The following CEP85L variants were observed in gnomAD, a reference collection of about 807,000 sequenced individuals.
CEP85L encodes centrosomal protein 85L, also known as centrosomal protein of 85 kDa-like.
A neutral mutation model predicts 100.3 loss-of-function variants in CEP85L; 60 were observed. That is an observed-to-expected ratio of 0.60 (90% CI 0.49 to 0.74). CEP85L has a LOEUF of 0.74. CEP85L is among the 30% of genes least tolerant of loss of function. The pLI is 0.00. For synonymous variants in CEP85L, 319 were observed against 322.7 expected, an observed-to-expected ratio of 0.99 and a Z score of 0.12; for missense variants, 973 against 936.2, an observed-to-expected ratio of 1.04 and a Z score of -0.51.
chr6:118,559,244 A>G, intron 3 of CEP85L: 1 of 694,190 alleles, frequency 1.4e-6, no homozygotes, highest in Non-Finnish European at 2.7e-6. Context: ...TACCATATGT[A>G]TTCATCTGTT....
chr6:118,570,905 T>C (rs1483257595), intron 2 of CEP85L, among the ~76,000 whole-genome samples: 1 of 151,932 alleles, frequency 6.6e-6, no homozygotes, highest in Non-Finnish European at 1.5e-5. Flanking sequence ...TCTACTGACA[T>C]ACATATGCAC....
intron 1 of CEP85L, among the ~76,000 whole-genome samples, chr6:118,639,813 T>A (rs1281723786): frequency 6.6e-6 from 1 of 152,158 alleles, no homozygotes; most frequent in Non-Finnish European, 1.5e-5. Context: ...AGAATAAAAT[T>A]AGAATTTTGG....
intron 2 of CEP85L, among the ~76,000 whole-genome samples, chr6:118,614,728 C>A (rs1384212393): frequency 6.6e-6 from 1 of 152,166 alleles, no homozygotes; most frequent in East Asian, 1.9e-4. Flanking sequence ...GTAATCCCAG[C>A]TACTCGGGAG....
At chr6:118,519,738 A>G (rs1285480425) in intron 4 of CEP85L, among the ~76,000 whole-genome samples, 1 of 152,084 alleles carries the variant, frequency 6.6e-6, no homozygotes, top group African/African-American at 2.4e-5. Context: ...AGGAGTCTTC[A>G]CTGAAGAATT....
At chr6:118,633,056 C>A (rs1178978040) in intron 1 of CEP85L, among the ~76,000 whole-genome samples, 1 of 152,054 alleles carries the variant, frequency 6.6e-6, no homozygotes, top group Admixed American at 6.5e-5. Flanking sequence ...TGAAAACAAT[C>A]CATTTTTTTC....
chr6:118,669,934 G>C (rs1168836178), intron 1 of CEP85L, among the ~76,000 whole-genome samples: 2 of 149,624 alleles, frequency 1.3e-5, no homozygotes, highest in Non-Finnish European at 3.0e-5. Flanking sequence ...TGTGTAAGAG[G>C]AAAGGATCAT....
intron 1 of CEP85L, among the ~76,000 whole-genome samples, chr6:118,686,029 C>A (rs1360977467): frequency 6.6e-6 from 1 of 152,186 alleles, no homozygotes; most frequent in Non-Finnish European, 1.5e-5. Context: ...GAACTCGATT[C>A]ATTCCCAAAG....
chr6:118,611,555 T>C (rs188012284), intron 2 of CEP85L, among the ~76,000 whole-genome samples: 6 of 152,264 alleles, frequency 3.9e-5, no homozygotes, highest in Non-Finnish European at 5.9e-5. Flanking sequence ...AATTAAAAGA[T>C]AGAAATTGGC....
chr6:118,506,164 T>A (rs566128033), intron 5 of CEP85L, among the ~76,000 whole-genome samples: 5 of 152,212 alleles, frequency 3.3e-5, no homozygotes, highest in Admixed American at 2.6e-4. Flanking sequence ...ATGGAACGAA[T>A]AGGATTAAAA....
intron 5 of CEP85L, chr6:118,501,987 C>G: frequency 1.2e-6 from 1 of 831,332 alleles, no homozygotes; most frequent in Non-Finnish European, 2.0e-6. Context: ...GAAAACTGAC[C>G]AGGTGGCTTG....
chr6:118,651,929 C>T (rs571555425), upstream of CEP85L: 2 of 985,522 alleles, frequency 2.0e-6, no homozygotes, highest in Admixed American at 1.2e-4. Flanking sequence ...AAGACCTGCC[C>T]CTGGCGTCAC....
At chr6:118,510,822 G>T (rs1191091000) in intron 5 of CEP85L, among the ~76,000 whole-genome samples, 6 of 152,122 alleles carry the variant, frequency 3.9e-5, no homozygotes, top group African/African-American at 1.4e-4. Context: ...ATTTTGATGA[G>T]TAGGGGGCAG....
chr6:118,636,647 C>A (rs982903188), intron 1 of CEP85L, among the ~76,000 whole-genome samples: 1 of 151,744 alleles, frequency 6.6e-6, no homozygotes, highest in Non-Finnish European at 1.5e-5. Flanking sequence ...ACTGAACCAG[C>A]TGAAGGCCTG....
upstream of CEP85L, among the ~76,000 whole-genome samples, chr6:118,656,605 C>G (rs11752928): frequency 0.37 from 56,443 of 151,912 alleles, 11,156 homozygotes; most frequent in Non-Finnish European, 0.46. Flanking sequence ...CCTGTAGGAC[C>G]TGCCTCAGCC....
At chr6:118,691,024 A>C (rs1443167526) in intron 1 of CEP85L, among the ~76,000 whole-genome samples, 1 of 152,128 alleles carries the variant, frequency 6.6e-6, no homozygotes, top group Admixed American at 6.5e-5. Flanking sequence ...AGAAGGAAAG[A>C]AAGAAAGAGA....
At chr6:118,570,079 T>A (rs1005809803) in intron 2 of CEP85L, among the ~76,000 whole-genome samples, 1 of 152,184 alleles carries the variant, frequency 6.6e-6, no homozygotes, top group African/African-American at 2.4e-5. Context: ...TGCGTGCATA[T>A]CTATATATAA....
At chr6:118,534,369 C>A (rs1777464714) in intron 3 of CEP85L, among the ~76,000 whole-genome samples, 1 of 151,994 alleles carries the variant, frequency 6.6e-6, no homozygotes, top group African/African-American at 2.4e-5. Flanking sequence ...ACTAAAAAAA[C>A]TGGCCAGGTG....
intron 2 of CEP85L, among the ~76,000 whole-genome samples, chr6:118,612,640 G>A (rs1465232918): frequency 1.8e-5 from 2 of 112,588 alleles, no homozygotes; most frequent in Non-Finnish European, 1.7e-5. Flanking sequence ...TAGCCTGGGC[G>A]ACAGAGTGAG....
chr6:118,636,951 C>G (rs1053336733), intron 1 of CEP85L, among the ~76,000 whole-genome samples: 1 of 152,102 alleles, frequency 6.6e-6, no homozygotes, highest in African/African-American at 2.4e-5. Flanking sequence ...TGGAGAACTT[C>G]AATACAATAT....
Sources: gnomAD v4.1 joint callset for allele counts (sites outside exome capture counted in the v4.1 genomes callset) on GRCh38, gnomAD v4.1.1 for gene constraint, MANE v1.5 for transcripts, NCBI Gene and HGNC (gene_info 2026-07-23, HGNC 2026-07-21) for gene names.